PRKRA: variants seen among roughly 807,000 people sequenced by gnomAD.
The protein encoded by PRKRA is protein activator of interferon induced protein kinase EIF2AK2, also known as interferon-inducible double-stranded RNA-dependent protein kinase activator A.
In PRKRA, 22 loss-of-function variants were observed where a neutral mutation model predicts 32.4. The ratio of observed to expected loss-of-function variants is 0.68; its 90% confidence interval spans 0.49 to 0.97. PRKRA has a LOEUF of 0.97. PRKRA is among the 50% of genes least tolerant of loss of function. PRKRA has a pLI of 0.00. For synonymous variants in PRKRA, 139 were observed against 129.8 expected, an observed-to-expected ratio of 1.07 and a Z score of -0.48; for missense variants, 319 against 375.6, an observed-to-expected ratio of 0.85 and a Z score of 1.25.
intron 2 of PRKRA, among the ~76,000 whole-genome samples, chr2:178,449,730 G>A (rs555940114): frequency 1.3e-5 from 2 of 152,320 alleles, no homozygotes; most frequent in Non-Finnish European, 2.9e-5. Flanking sequence ...AAGTTATTAT[G>A]TAATATATGA....
intron 3 of PRKRA, chr2:178,445,851 C>G (rs2154125294): frequency 6.6e-6 from 1 of 152,490 alleles, no homozygotes; most frequent in South Asian, 2.1e-4. Context: ...GTGTCTCAGC[C>G]TCCCAAGCAG....
chr2:178,441,421 C>T (rs182254205), intron 6 of PRKRA, among the ~76,000 whole-genome samples, 189 bp downstream of exon 6: 16 of 152,296 alleles, frequency 1.1e-4, no homozygotes, highest in African/African-American at 3.4e-4. Context: ...AGCTCTCTTA[C>T]CTAATTGCCT....
At chr2:178,448,042 A>T (rs1478755754) in intron 2 of PRKRA, among the ~76,000 whole-genome samples, 1 of 152,242 alleles carries the variant, frequency 6.6e-6, no homozygotes, top group Non-Finnish European at 1.5e-5. Context: ...CAAAATGTGC[A>T]TAATTTTATT....
At chr2:178,439,964 G>A (rs1697051543) in intron 6 of PRKRA, 1 of 151,612 alleles carries the variant, frequency 6.6e-6, no homozygotes, top group Admixed American at 6.6e-5. Context: ...ATATTGATCT[G>A]TAATTTTTTT....
chr2:178,439,592 T>C (rs1697038864), intron 6 of PRKRA: 1 of 152,226 alleles, frequency 6.6e-6, no homozygotes, highest in African/African-American at 2.4e-5. Context: ...TTCGTACTGT[T>C]TTCTCTTGTC....
chr2:178,450,915 C>A, intron 1 of PRKRA, 51 bp downstream of exon 1: 1 of 1,221,906 alleles, frequency 8.2e-7, no homozygotes, highest in Non-Finnish European at 1.0e-6. Flanking sequence ...GCGCCCCGGC[C>A]CTGCCGCCCA....
rs1697523130 is a variant in PRKRA, at chr2:178,450,327, T to C, written c.150A>G (p.Pro50=). Residue 50 remains proline (P), a synonymous_variant, in exon 2 of 8, where the codon CCA becomes CCG. Transcript: ENST00000325748. ...CATCAGATCTTTCACATTCATAAACTGGGATGTTCTTGGTCTTCATGCCGT... is the reference window on the plus strand; with the variant it reads ...CATCAGATCTTTCACATTCATAAACCGGGATGTTCTTGGTCTTCATGCCGT... ...HEYGMKTKNI[P]VYECERSDVQ... 6.2e-7 allele frequency: 1 copy of C among 1,614,264 alleles called. No individual in the cohort carries two copies. The highest frequency in any genetic ancestry group is 8.5e-7 in the Non-Finnish European group (1 of 1,180,052).
chr2:178,437,360 T>C (rs1009770428), intron 6 of PRKRA, among the ~76,000 whole-genome samples: 11 of 151,986 alleles, frequency 7.2e-5, no homozygotes, highest in African/African-American at 2.7e-4. Context: ...TTCAGTATCT[T>C]CCCATAAATG....
chr2:178,447,283 G>T, intron 3 of PRKRA: 3 of 625,604 alleles, frequency 4.8e-6, no homozygotes, highest in Non-Finnish European at 7.7e-6. Context: ...AAAAAAAACA[G>T]TAAAGCCTAG....
intron 3 of PRKRA, 76 bp from the exon 4 acceptor site, chr2:178,444,576 A>G (rs551107215): frequency 2.2e-6 from 2 of 899,158 alleles, no homozygotes; most frequent in Non-Finnish European, 3.2e-6. Flanking sequence ...GCATTTTCTA[A>G]TTAACTCTCT....
chr2:178,444,484 G>T lies in PRKRA; in HGVS notation c.334C>A (p.Pro112Thr), dbSNP rs767649728. 1 of 1,602,742 alleles carries T rather than the reference G, an allele frequency of 6.2e-7. No individual in the cohort carries two copies. The highest frequency in any genetic ancestry group is 2.2e-5 in the East Asian group (1 of 44,820). Residue 112 changes from proline to threonine, a missense_variant, in exon 4 of 8, where the codon CCC (proline) becomes ACC (threonine). By Grantham distance (38) the Pro-to-Thr change is conservative (BLOSUM62 -1). Coordinates refer to ENST00000325748, the MANE Select transcript of PRKRA (RefSeq NM_003690.5). Reference protein sequence around the residue: ...NASICFAVPDPLMPDPSKQPK... With the variant: ...NASICFAVPDTLMPDPSKQPK... ...TGCTTGGAAGGGTCAGGCATTAAGG[G>T]GTCAGGAACTGCAAAGCTAAATATT...
intron 5 of PRKRA, 143 bp from the exon 6 acceptor site, chr2:178,441,847 CTTTG>C (rs961743468): frequency 2.1e-5 from 14 of 666,348 alleles, no homozygotes; most frequent in East Asian, 1.8e-4. Context: ...GACCTGATAA[CTTTG>C]TTTGTTATGC....
At chr2:178,443,615 C>A in intron 4 of PRKRA, 1 of 430,314 alleles carries the variant, frequency 2.3e-6, no homozygotes, top group African/African-American at 2.0e-5. Context: ...GGTGTTCTTG[C>A]ATTAAACCAC....
At chr2:178,444,037 T>C (rs1008128949) in intron 4 of PRKRA, 4 of 182,144 alleles carry the variant, frequency 2.2e-5, no homozygotes, top group African/African-American at 9.6e-5. Context: ...AATAAGCAAA[T>C]AGACTCCTTT....
At chr2:178,449,023 G>C (rs965353192) in intron 2 of PRKRA, among the ~76,000 whole-genome samples, 5 of 152,196 alleles carry the variant, frequency 3.3e-5, no homozygotes, top group Admixed American at 2.0e-4. Flanking sequence ...TCTGTAACTG[G>C]GCTTGGGATG....
At chr2:178,450,712 T>A in intron 1 of PRKRA, 2 of 1,389,834 alleles carry the variant, frequency 1.4e-6, no homozygotes, top group Non-Finnish European at 1.9e-6. Flanking sequence ...AACCTGACGA[T>A]CCCTTCCCGG....
intron 5 of PRKRA, among the ~76,000 whole-genome samples, chr2:178,442,567 C>T (rs1465759254): frequency 6.6e-6 from 1 of 152,206 alleles, no homozygotes; most frequent in Non-Finnish European, 1.5e-5. Flanking sequence ...GAATCAAGGA[C>T]TGCATCAAGG....
At chr2:178,450,476 G>A (rs966302794) in intron 1 of PRKRA, 65 bp from the exon 2 acceptor site, 3 of 1,576,170 alleles carry the variant, frequency 1.9e-6, no homozygotes, top group African/African-American at 1.3e-5. Context: ...AAGCGTAGAG[G>A]CCAGTTTTAA....
At chr2:178,437,832 T>C (rs1696961645) in intron 6 of PRKRA, among the ~76,000 whole-genome samples, 1 of 152,192 alleles carries the variant, frequency 6.6e-6, no homozygotes, top group Non-Finnish European at 1.5e-5. Flanking sequence ...TTGCATTTCT[T>C]CTACTGGGTT....
Sources: allele counts gnomAD v4.1 joint callset (sites outside exome capture counted in the v4.1 genomes callset), GRCh38; gene constraint gnomAD v4.1.1; transcripts MANE v1.5; gene names NCBI Gene and HGNC (gene_info 2026-07-23, HGNC 2026-07-21).